OSBPL7: variants seen among roughly 807,000 people sequenced by gnomAD.
OSBPL7 encodes the protein oxysterol-binding protein-related protein 7.
In OSBPL7, 66 loss-of-function variants were observed where a neutral mutation model predicts 115.8. The observed-to-expected ratio is 0.57, with a 90% CI of 0.47 to 0.70. The LOEUF (loss-of-function observed/expected upper bound fraction) is 0.70, where lower values mean the gene tolerates loss of function less well. Among genes scored for constraint, OSBPL7 ranks in the 30% least tolerant of loss-of-function variants. The probability of loss-of-function intolerance (pLI) is 0.00; values close to 1 mark genes in which losing one functional copy is unlikely to be tolerated. For missense variants in OSBPL7, 902 were observed against 1,125.5 expected, an observed-to-expected ratio of 0.80 and a Z score of 2.84; for synonymous variants, 441 against 439.2, an observed-to-expected ratio of 1.00 and a Z score of -0.05.
chr17:47,807,933 A>ATCTCGGTG lies in OSBPL7; in HGVS notation c.*357_*358insCACCGAGA. On this transcript the variant is annotated 3_prime_UTR_variant, in exon 23 of 23. Coordinates refer to ENST00000007414, the MANE Select transcript of OSBPL7 (RefSeq NM_145798.3). ...ACAGAAAGCCTGGGGAGCGTCAAGG[A>ATCTCGGTG]GTCCCCTGTGTCCTAGGAAGGCACT... The ATCTCGGTG allele has an allele frequency of 3.6e-6, 1 of 276,196 alleles. No individual in the cohort carries two copies. Among genetic ancestry groups the ATCTCGGTG allele is most frequent in the South Asian group, 5.5e-5 (1 of 18,344 alleles). 17.1% of individuals were successfully genotyped at this position (276,196 alleles called of 1,614,324 possible).
Position 47,813,762 on chromosome 17 carries a change from G to A in OSBPL7, c.1424C>T (p.Ala475Val), listed in dbSNP as rs2033122398. ...CAGAATGTTCCACAGGCTCACGTCAGCCCCAGGCCCGCTGGCCGCCGGCAG... is the reference window on the plus strand; with the variant it reads ...CAGAATGTTCCACAGGCTCACGTCAACCCCAGGCCCGCTGGCCGCCGGCAG... Reference protein sequence around the residue: ...RCLPAASGPGADVSLWNILRN... With the variant: ...RCLPAASGPGVDVSLWNILRN... The change falls in exon 15 of 23, where the codon GCT (alanine) becomes GTT (valine). Residue 475 changes from alanine (A) to valine (V), a missense_variant. Coordinates refer to ENST00000007414, the MANE Select transcript of OSBPL7 (RefSeq NM_145798.3). The A allele has an allele frequency of 6.2e-7, 1 of 1,613,152 alleles. No individual in the cohort carries two copies.
rs755308673 is a variant in OSBPL7 at position 47,818,652 on chromosome 17, A to G, written c.370-36T>C. 4 of 1,554,428 alleles carry G rather than the reference A, an allele frequency of 2.6e-6. No individual in the cohort carries two copies. The East Asian group carries it at 9.0e-5, about 35-fold the overall frequency. On this transcript the variant is annotated intron_variant, in intron 5 of 22. Transcript: ENST00000007414. ...GATGGAGAGGGGGAGGGCTATCTGAAGAGAGGGACCACTTTCCAAGAGCAA... is the reference window on the plus strand; with the variant it reads ...GATGGAGAGGGGGAGGGCTATCTGAGGAGAGGGACCACTTTCCAAGAGCAA...
intron 1 of OSBPL7, 36 bp from the exon 2 acceptor site, chr17:47,820,401 C>G: frequency 1.2e-6 from 1 of 862,424 alleles, no homozygotes; most frequent in Middle Eastern, 3.4e-4. Context: ...AACGCAAACT[C>G]TGCTATCACC....
intron 7 of OSBPL7, 51 bp from the exon 8 acceptor site, chr17:47,817,410 A>G: frequency 1.4e-6 from 2 of 1,381,980 alleles, no homozygotes; most frequent in Middle Eastern, 3.6e-4. Context: ...TTTTTTTGAG[A>G]CGGAGTTTTG....
At chr17:47,814,449 G>C in intron 14 of OSBPL7, 72 bp downstream of exon 14, 1 of 1,429,378 alleles carries the variant, frequency 7.0e-7, no homozygotes, top group Non-Finnish European at 9.7e-7. Context: ...CTTTGCATGG[G>C]CCTGGGCCAT....
chr17:47,817,298 G>A lies in OSBPL7; in HGVS notation c.660C>T (p.Ser220=). The A allele has an allele frequency of 1.2e-6, 2 of 1,603,438 alleles. No homozygotes were observed. The highest frequency in any genetic ancestry group is 1.7e-6 in the Non-Finnish European group (2 of 1,177,440). Residue 220 remains serine (S), a synonymous_variant, in exon 8 of 23, where the codon TCC becomes TCT. Transcript: ENST00000007414. ...CAGGGGCTGAGGGGATTCGGTGCAG[G>A]GACTCCAGGCTCTGGAGGAGCCTGT... ...ELHRLLQSLE[S]LHRIPSAPVI...
intron 14 of OSBPL7, among the ~76,000 whole-genome samples, 164 bp from the exon 15 acceptor site, chr17:47,813,998 C>A (rs563327671): frequency 1.2e-4 from 18 of 152,312 alleles, no homozygotes; most frequent in Middle Eastern, 3.4e-3. Flanking sequence ...GGGGCTCTAA[C>A]TGCTGACAAG....
intron 8 of OSBPL7, 174 bp from the exon 9 acceptor site, chr17:47,817,046 G>T: frequency 1.4e-6 from 1 of 725,200 alleles, no homozygotes. Flanking sequence ...CATCCCAGTG[G>T]AAGATGACAG....
chr17:47,815,397 G>A, intron 12 of OSBPL7, 45 bp from the exon 13 acceptor site: 2 of 1,608,676 alleles, frequency 1.2e-6, no homozygotes, highest in South Asian at 2.2e-5. Context: ...GGCCAAGCCG[G>A]GGGGATCAAG....
rs769637368 is a variant in OSBPL7, at chr17:47,815,323, C to T, written c.1149G>A (p.Glu383=). The T allele has an allele frequency of 1.2e-6, 2 of 1,613,896 alleles. No homozygotes were observed. Among genetic ancestry groups the T allele is most frequent in the Admixed American group, 3.3e-5 (2 of 60,004 alleles). The change falls in exon 13 of 23, where the codon GAG becomes GAA. Residue 383 remains glutamate, a synonymous_variant. Coordinates refer to ENST00000007414, the MANE Select transcript of OSBPL7 (RefSeq NM_145798.3). Reference sequence around the variant, plus strand: ...TGGTCTGCGATAGCTGGGGGGTGAGCTCGCGCCCCTTCATGTACAGAGCTT... The same window carrying T: ...TGGTCTGCGATAGCTGGGGGGTGAGTTCGCGCCCCTTCATGTACAGAGCTT... ...EQEALYMKGR[E]LTPQLSQTSI...
In OSBPL7 at chr17:47,807,393, G is replaced by C. The variant is rs2032891830; in HGVS notation, c.*898C>G. The C allele has an allele frequency of 6.6e-6, 1 of 152,638 alleles. No homozygotes were observed. Among genetic ancestry groups the C allele is most frequent in the Admixed American group, 6.5e-5 (1 of 15,274 alleles). The allele number at this position is 152,638 out of a possible 1,614,324, so 9.5% of individuals were successfully genotyped here. ...AAAGTCTGGGACAGTCTTTATTGGA[G>C]CTTGGAATGTCATAGCAATTCGCCC... is the stretch of plus-strand genomic sequence containing the variant. On this transcript the variant is annotated 3_prime_UTR_variant, in exon 23 of 23. Coordinates refer to ENST00000007414, the MANE Select transcript of OSBPL7 (RefSeq NM_145798.3).
chr17:47,817,951 G>A (rs62076125), intron 7 of OSBPL7, among the ~76,000 whole-genome samples: 41,521 of 152,112 alleles, frequency 0.27, 7,028 homozygotes, highest in Non-Finnish European at 0.38. Flanking sequence ...AGACCCTACT[G>A]CAGGAACCCT....
At position 47,808,706 on chromosome 17, in the gene OSBPL7, C is replaced by T; in HGVS notation, c.2298-46G>A. On this transcript the variant is annotated intron_variant, in intron 21 of 22. Coordinates refer to ENST00000007414, the MANE Select transcript of OSBPL7 (RefSeq NM_145798.3). This position sits in a 1 kb window ranked among gnomAD's most constrained non-coding sequence, Gnocchi z 6.1. ...CAGGGGAACTGCCCATCTGCAGGGG[C>T]CCCCAAACCCAAGGCCTCTGTCTCT... is the stretch of plus-strand genomic sequence containing the variant. 6.2e-7 allele frequency: 1 copy of T among 1,610,918 alleles called. No individual in the cohort carries two copies.
rs764356110 is a variant in OSBPL7, at chr17:47,808,834, G to T, written c.2297+30C>A. The stretch of plus-strand genomic sequence containing the variant: ...CTCTGTGGAGGGAGTGAACTAGATG[G>T]TTCTAGGCCGGCACCCATCCGGCAC... On this transcript the variant is annotated intron_variant, in intron 21 of 22. Transcript: ENST00000007414. The surrounding 1 kb of genome is among the most constrained non-coding windows in gnomAD (Gnocchi z 6.1). The T allele has an allele frequency of 6.2e-7, 1 of 1,613,786 alleles. No individual in the cohort carries two copies. Among genetic ancestry groups the T allele is most frequent in the East Asian group, 2.2e-5 (1 of 44,868 alleles).
intron 16 of OSBPL7, among the ~76,000 whole-genome samples, chr17:47,811,210 C>T (rs1193609332): frequency 2.0e-5 from 3 of 151,982 alleles, no homozygotes; most frequent in Non-Finnish European, 2.9e-5. Context: ...CCCACCCCAC[C>T]CCAAAGCTGA....
At chr17:47,817,019 G>A in intron 8 of OSBPL7, 147 bp from the exon 9 acceptor site, 2 of 815,500 alleles carry the variant, frequency 2.5e-6, no homozygotes, top group Non-Finnish European at 4.0e-6. Flanking sequence ...CTCAGGCAGG[G>A]CGACAGAGAC....
Position 47,808,139 on chromosome 17 carries a change from C to G in OSBPL7, c.*152G>C, listed in dbSNP as rs528860161. The G allele has an allele frequency of 5.8e-5, 36 of 624,532 alleles. 1 individual carries two copies. In the East Asian group the frequency reaches 9.3e-4, roughly 16 times the overall value. 38.7% of individuals were successfully genotyped at this position (624,532 alleles called of 1,614,324 possible). A position where few individuals can be genotyped will look rare whatever the true frequency, so the allele number is the denominator to read the frequency against. On this transcript the variant is annotated 3_prime_UTR_variant, in exon 23 of 23. Coordinates refer to ENST00000007414, the MANE Select transcript of OSBPL7 (RefSeq NM_145798.3). The surrounding 1 kb of genome is among the most constrained non-coding windows in gnomAD (Gnocchi z 6.1). ...GGTTGGGGGTGGGCTGAGATGCAGA[C>G]CCTCTGGCCAGCAGAGGGGAGGGAG...
Position 47,810,680 on chromosome 17 carries a change from T to C in OSBPL7, c.1802-8A>G. ...TGTTCTTCCACTTCATATCTGGAAT[T>C]GGATTAGGGGAGGGAGAGTGAACAA... is the stretch of plus-strand genomic sequence containing the variant. On this transcript the variant is annotated splice_polypyrimidine_tract_variant and splice_region_variant and intron_variant, in intron 17 of 22. Coordinates refer to ENST00000007414, the MANE Select transcript of OSBPL7 (RefSeq NM_145798.3). 6.2e-7 allele frequency: 1 copy of C among 1,613,952 alleles called. No individual in the cohort carries two copies. The highest frequency in any genetic ancestry group is 8.5e-7 in the Non-Finnish European group (1 of 1,179,838).
chr17:47,815,958 G>C (rs910851849), intron 12 of OSBPL7, 149 bp downstream of exon 12: 7 of 629,944 alleles, frequency 1.1e-5, no homozygotes, highest in South Asian at 1.0e-4. Flanking sequence ...TGGGGCTGCC[G>C]CTTACCTTAT....
Sources: allele counts gnomAD v4.1 joint callset (sites outside exome capture counted in the v4.1 genomes callset), GRCh38; gene constraint gnomAD v4.1.1; non-coding constraint Gnocchi (gnomAD v3.1); transcripts MANE v1.5; gene names NCBI Gene and HGNC (gene_info 2026-07-23, HGNC 2026-07-21).